MGAT4C: variants seen among roughly 807,000 people sequenced by gnomAD.
The protein encoded by MGAT4C is MGAT4 family member C, also known as alpha-1,3-mannosyl-glycoprotein 4-beta-N-acetylglucosaminyltransferase C.
Under a neutral mutation model 40.1 loss-of-function variants are expected in MGAT4C, and 19 were observed. That is an observed-to-expected ratio of 0.47 (90% CI 0.33 to 0.70). The LOEUF is 0.70. Among genes scored for constraint, MGAT4C ranks in the 30% least tolerant of loss-of-function variants. The pLI is 0.02. For missense variants in MGAT4C, 491 were observed against 563.2 expected, an observed-to-expected ratio of 0.87 and a Z score of 1.30; for synonymous variants, 181 against 187.1, an observed-to-expected ratio of 0.97 and a Z score of 0.27.
intron 2 of MGAT4C, among the ~76,000 whole-genome samples, chr12:86,630,627 C>G (rs1963001274): frequency 6.6e-6 from 1 of 152,092 alleles, no homozygotes; most frequent in Non-Finnish European, 1.5e-5. Flanking sequence ...TAAACCATCA[C>G]ATAAACAGAA....
chr12:86,664,569 G>A (rs549442145), intron 2 of MGAT4C, among the ~76,000 whole-genome samples: 88 of 152,106 alleles, frequency 5.8e-4, no homozygotes, highest in African/African-American at 2.0e-3. Context: ...ACCATCTGTA[G>A]TTAAGAATGC....
intron 1 of MGAT4C, among the ~76,000 whole-genome samples, chr12:86,253,084 T>G (rs1952366861): frequency 6.6e-6 from 1 of 151,980 alleles, no homozygotes; most frequent in African/African-American, 2.4e-5. Flanking sequence ...TGCAAATGAA[T>G]GTATCCTTTA....
intron 1 of MGAT4C, among the ~76,000 whole-genome samples, chr12:86,209,271 A>C (rs900044209): frequency 3.9e-5 from 6 of 152,104 alleles, no homozygotes; most frequent in Non-Finnish European, 5.9e-5. Flanking sequence ...ATAATTAAAG[A>C]ATTACATTGT....
At chr12:86,497,837 CA>C (rs1017323969) in intron 2 of MGAT4C, among the ~76,000 whole-genome samples, 62 of 146,222 alleles carry the variant, frequency 4.2e-4, no homozygotes, top group African/African-American at 1.3e-3. Flanking sequence ...TTCTTTTTCT[CA>C]AAAAACTGGC....
At chr12:86,131,613 GA>G (rs1427666299) in intron 1 of MGAT4C, among the ~76,000 whole-genome samples, 1 of 151,850 alleles carries the variant, frequency 6.6e-6, no homozygotes, top group African/African-American at 2.4e-5. Flanking sequence ...ATATTTTAAT[GA>G]ATTTTTACTG....
chr12:86,122,511 G>C (rs1039174716), intron 1 of MGAT4C, among the ~76,000 whole-genome samples: 1 of 152,058 alleles, frequency 6.6e-6, no homozygotes, highest in Non-Finnish European at 1.5e-5. Context: ...TCTTATCTAA[G>C]TTATAACTAA....
rs1255745805 is a variant in MGAT4C, at chr12:85,970,318, G to A, written c.*8971C>T. 6.6e-6 allele frequency: 1 copy of A among 151,104 alleles called. No homozygotes were observed. Among genetic ancestry groups the A allele is most frequent in the African/African-American group, 2.4e-5 (1 of 41,306 alleles). 9.4% of individuals were successfully genotyped at this position (151,104 alleles called of 1,614,324 possible). On this transcript the variant is annotated 3_prime_UTR_variant, in exon 5 of 5. Coordinates refer to ENST00000611864, the MANE Select transcript of MGAT4C (RefSeq NM_001351288.2). ...GTAGATTGACAGGCAGTTTTATTAA[G>A]AAATGAATCAAATGGTAAATTTTGA...
chr12:86,388,637 T>A (rs1443071332), intron 3 of MGAT4C, among the ~76,000 whole-genome samples: 2 of 150,458 alleles, frequency 1.3e-5, no homozygotes, highest in East Asian at 3.9e-4. Context: ...AAACTGCCTA[T>A]CAATGACACT....
intron 2 of MGAT4C, among the ~76,000 whole-genome samples, chr12:86,686,859 T>G (rs1053917858): frequency 6.6e-6 from 1 of 152,252 alleles, no homozygotes; most frequent in African/African-American, 2.4e-5. Context: ...TACAATGTGT[T>G]AGGGAGGAGT....
intron 2 of MGAT4C, among the ~76,000 whole-genome samples, chr12:86,530,248 C>G (rs1288125435): frequency 6.6e-6 from 1 of 151,916 alleles, no homozygotes; most frequent in East Asian, 1.9e-4. Context: ...TTGGCATTAG[C>G]AACTAGTTCT....
intron 1 of MGAT4C, among the ~76,000 whole-genome samples, chr12:86,077,659 T>A (rs1002978299): frequency 2.0e-5 from 3 of 152,186 alleles, no homozygotes; most frequent in Middle Eastern, 3.2e-3. Flanking sequence ...TTTTTCCTGA[T>A]GGAGTGACCC....
chr12:86,425,196 C>G (rs189365715), intron 3 of MGAT4C, among the ~76,000 whole-genome samples: 1 of 152,178 alleles, frequency 6.6e-6, no homozygotes, highest in African/African-American at 2.4e-5. Context: ...TTATACTATG[C>G]AGTCTTTCAT....
chr12:86,517,289 T>C (rs1958707757), intron 2 of MGAT4C, among the ~76,000 whole-genome samples: 1 of 152,164 alleles, frequency 6.6e-6, no homozygotes, highest in African/African-American at 2.4e-5. Flanking sequence ...GACATGTGAA[T>C]TATATCTCAA....
rs986177160 is a variant in MGAT4C, at chr12:85,958,947, A to G, written c.*20342T>C. 6.6e-6 allele frequency: 1 copy of G among 151,552 alleles called. No homozygotes were observed. The highest frequency in any genetic ancestry group is 1.5e-5 in the Non-Finnish European group (1 of 67,888). 9.4% of individuals were successfully genotyped at this position (151,552 alleles called of 1,614,324 possible). ...CTTATCTTCCTGGCATTTTTGAAAT[A>G]AAAAAAATACAAGTGCATAGGGCAG... On this transcript the variant is annotated 3_prime_UTR_variant, in exon 5 of 5. Coordinates refer to ENST00000611864, the MANE Select transcript of MGAT4C (RefSeq NM_001351288.2).
At chr12:86,211,344 T>A (rs1950453227) in intron 1 of MGAT4C, among the ~76,000 whole-genome samples, 1 of 132,530 alleles carries the variant, frequency 7.5e-6, no homozygotes, top group African/African-American at 2.9e-5. Context: ...GGGCGGATCA[T>A]GAGGTCAAGA....
At chr12:86,750,138 T>C (rs1295962779) in intron 1 of MGAT4C, among the ~76,000 whole-genome samples, 1 of 151,826 alleles carries the variant, frequency 6.6e-6, no homozygotes, top group Non-Finnish European at 1.5e-5. Context: ...AATAATTTGG[T>C]TTAAGTAAGC....
intron 2 of MGAT4C, among the ~76,000 whole-genome samples, chr12:86,664,198 C>G (rs61950839): frequency 2.0e-5 from 3 of 151,498 alleles, no homozygotes; most frequent in Non-Finnish European, 4.4e-5. Flanking sequence ...CATCCGGAGA[C>G]AATGTCTTTA....
chr12:86,452,314 G>A lies in MGAT4C; in HGVS notation c.-228-17049C>T, dbSNP rs113198991. ...GTTGGTGTGCTGCACCCATTAACTCGTCATTTACATTAGGCATATCTCTTA... is the reference window on the plus strand; with the variant it reads ...GTTGGTGTGCTGCACCCATTAACTCATCATTTACATTAGGCATATCTCTTA... On this transcript the variant is annotated intron_variant, in intron 2 of 7. Coordinates refer to the MGAT4C transcript ENST00000548651. Among the ~76,000 whole-genome samples, 505 of 151,212 alleles carry A rather than the reference G, an allele frequency of 3.3e-3. 2 individuals carry two copies. The highest frequency in any genetic ancestry group is 0.012 in the African/African-American group (481 of 41,196).
rs1327255903 is a variant in MGAT4C at position 85,967,819 on chromosome 12, T to C, written c.*11470A>G. 2.6e-5 allele frequency: 4 copies of C among 152,102 alleles called. No homozygotes were observed. Among genetic ancestry groups the C allele is most frequent in the African/African-American group, 9.6e-5 (4 of 41,454 alleles). The allele number at this position is 152,102 out of a possible 1,614,324, so 9.4% of individuals were successfully genotyped here. On this transcript the variant is annotated 3_prime_UTR_variant, in exon 5 of 5. Transcript: ENST00000611864. ...GGAACTATGTGTGAATATGTGTGTG[T>C]GAATTATCTGTGTATATTTACATAA...
Sources: gnomAD v4.1 joint callset for allele counts (sites outside exome capture counted in the v4.1 genomes callset) on GRCh38, gnomAD v4.1.1 for gene constraint, MANE v1.5 for transcripts, NCBI Gene and HGNC (gene_info 2026-07-23, HGNC 2026-07-21) for gene names.